TAFA1: variants seen among roughly 807,000 people sequenced by gnomAD.
TAFA1 encodes the protein TAFA chemokine like family member 1.
TAFA1 carries 4 observed loss-of-function variants against 18.5 expected under a neutral mutation model. The ratio of observed to expected loss-of-function variants is 0.22; its 90% confidence interval spans 0.11 to 0.49. TAFA1 has a LOEUF of 0.49. Among genes scored for constraint, TAFA1 ranks in the 20% least tolerant of loss-of-function variants. TAFA1 has a pLI of 0.98. For missense variants in TAFA1, 147 were observed against 169.0 expected (o/e 0.87, Z 0.72); for synonymous variants, 56 against 55.2 (o/e 1.01, Z -0.06).
rs111642301 is a variant in TAFA1 at position 68,283,258 on chromosome 3, G to A, written c.119-134022G>A. 1.4e-4 allele frequency among the ~76,000 whole-genome samples: 22 copies of A among 152,216 alleles called. 1 individual carries two copies. The highest frequency in any genetic ancestry group is 4.6e-4 in the African/African-American group (19 of 41,528). On this transcript the variant is annotated intron_variant, in intron 2 of 4. Coordinates refer to ENST00000478136, the MANE Select transcript of TAFA1 (RefSeq NM_213609.4). ...ATAACTATGTTAAAATGCAAAGGGG[G>A]CAAGAGCCCTGAATCTGCATATGAC...
At chr3:68,238,803 TAA>T (rs2066961538) in intron 2 of TAFA1, among the ~76,000 whole-genome samples, 1 of 152,292 alleles carries the variant, frequency 6.6e-6, no homozygotes, top group East Asian at 1.9e-4. Flanking sequence ...CATAATTATA[TAA>T]GAGAACATTT....
At chr3:68,293,261 A>G (rs1010749) in intron 2 of TAFA1, among the ~76,000 whole-genome samples, 4,021 of 152,312 alleles carry the variant, frequency 0.026, 91 homozygotes, top group East Asian at 0.097. Flanking sequence ...GCTTTCTGAC[A>G]TTCACCCATG....
At chr3:68,087,994 T>A (rs1250177121) in intron 2 of TAFA1, among the ~76,000 whole-genome samples, 2 of 152,170 alleles carry the variant, frequency 1.3e-5, no homozygotes, top group Non-Finnish European at 1.5e-5. Flanking sequence ...CAGCTCATGT[T>A]TTTGTCTTTC....
chr3:68,353,090 G>A (rs1197507935), intron 2 of TAFA1, among the ~76,000 whole-genome samples: 1 of 151,918 alleles, frequency 6.6e-6, no homozygotes, highest in Non-Finnish European at 1.5e-5. Flanking sequence ...TCCTTAAATT[G>A]TGTTCACTGG....
chr3:68,464,029 A>G (rs1510347), intron 3 of TAFA1, among the ~76,000 whole-genome samples: 1 of 152,194 alleles, frequency 6.6e-6, no homozygotes, highest in East Asian at 1.9e-4. Flanking sequence ...TTGAATCAAC[A>G]TACTCTTGAT....
At chr3:68,388,853 TAATAG>T (rs906984429) in intron 2 of TAFA1, among the ~76,000 whole-genome samples, 2 of 152,200 alleles carry the variant, frequency 1.3e-5, no homozygotes, top group African/African-American at 4.8e-5. Flanking sequence ...ATTTCTATCA[TAATAG>T]AATAGAGATC....
intron 2 of TAFA1, among the ~76,000 whole-genome samples, chr3:68,338,332 G>C (rs1056195359): frequency 6.6e-6 from 1 of 152,106 alleles, no homozygotes; most frequent in African/African-American, 2.4e-5. Flanking sequence ...TACTGAATAC[G>C]TTGCCTTGTA....
intron 3 of TAFA1, among the ~76,000 whole-genome samples, chr3:68,508,148 C>T (rs564330167): frequency 9.2e-5 from 14 of 152,072 alleles, no homozygotes; most frequent in South Asian, 2.1e-4. Context: ...CTTTCCTTGG[C>T]GTATGCAGTA....
At chr3:68,059,048 A>G (rs528110499) in intron 2 of TAFA1, among the ~76,000 whole-genome samples, 73 of 152,328 alleles carry the variant, frequency 4.8e-4, no homozygotes, top group Non-Finnish European at 7.2e-4. Flanking sequence ...CATGGTATAA[A>G]TGATATCAAA....
intron 2 of TAFA1, among the ~76,000 whole-genome samples, chr3:68,313,639 C>T (rs1461614086): frequency 6.6e-6 from 1 of 152,186 alleles, no homozygotes; most frequent in Non-Finnish European, 1.5e-5. Flanking sequence ...TGTATCCCCT[C>T]AGATGTATTA....
chr3:68,458,232 A>T (rs556819297), intron 3 of TAFA1, among the ~76,000 whole-genome samples: 11 of 152,224 alleles, frequency 7.2e-5, no homozygotes, highest in African/African-American at 2.4e-4. Flanking sequence ...CATGTAGGAC[A>T]TGCCTGCTTC....
chr3:68,319,490 A>G (rs571462504), intron 2 of TAFA1, among the ~76,000 whole-genome samples: 10 of 152,322 alleles, frequency 6.6e-5, no homozygotes, highest in African/African-American at 2.4e-4. Context: ...AGCAATCCTC[A>G]TCCCCAGCGA....
intron 3 of TAFA1, among the ~76,000 whole-genome samples, chr3:68,504,288 G>A (rs2072711118): frequency 6.6e-6 from 1 of 152,048 alleles, no homozygotes; most frequent in Admixed American, 6.6e-5. Flanking sequence ...CTAGACCTTT[G>A]TGTTGAAAGC....
chr3:68,224,616 G>A (rs1351564493), intron 2 of TAFA1, among the ~76,000 whole-genome samples: 1 of 152,058 alleles, frequency 6.6e-6, no homozygotes, highest in Non-Finnish European at 1.5e-5. Flanking sequence ...AAGGTCACTG[G>A]ACAGAGAGGC....
intron 2 of TAFA1, among the ~76,000 whole-genome samples, chr3:68,415,860 C>T (rs572733928): frequency 6.6e-6 from 1 of 152,136 alleles, no homozygotes; most frequent in Admixed American, 6.5e-5. Flanking sequence ...ATATGAAAGC[C>T]TGAACTCTTC....
At chr3:68,404,909 A>G (rs1321360799) in intron 2 of TAFA1, among the ~76,000 whole-genome samples, 1 of 152,012 alleles carries the variant, frequency 6.6e-6, no homozygotes, top group African/African-American at 2.4e-5. Flanking sequence ...AGTATTTTAC[A>G]GCCACTTCTT....
chr3:68,128,773 C>G (rs768061101), intron 2 of TAFA1, among the ~76,000 whole-genome samples: 56 of 152,156 alleles, frequency 3.7e-4, no homozygotes, highest in Non-Finnish European at 6.9e-4. Context: ...CAATTTTTCT[C>G]TTATTACTCA....
intron 2 of TAFA1, among the ~76,000 whole-genome samples, chr3:68,052,089 C>G (rs1331284408): frequency 6.6e-6 from 1 of 152,038 alleles, no homozygotes; most frequent in Non-Finnish European, 1.5e-5. Context: ...CTGTTTGACT[C>G]TCAATATTAT....
chr3:68,229,107 T>C (rs2066839342), intron 2 of TAFA1, among the ~76,000 whole-genome samples: 2 of 152,166 alleles, frequency 1.3e-5, no homozygotes, highest in Admixed American at 6.5e-5. Flanking sequence ...TCAAGAAATC[T>C]TGGCTATGGA....
Sources: gnomAD v4.1 joint callset for allele counts (sites outside exome capture counted in the v4.1 genomes callset) on GRCh38, gnomAD v4.1.1 for gene constraint, MANE v1.5 for transcripts, NCBI Gene and HGNC (gene_info 2026-07-23, HGNC 2026-07-21) for gene names.